Variants in CPSF7 observed in about 807,000 individuals in gnomAD.
The protein encoded by CPSF7 is cleavage and polyadenylation specific factor 7, also known as cleavage and polyadenylation specificity factor subunit 7.
Under a neutral mutation model 44.3 loss-of-function variants are expected in CPSF7, and 1 was observed. That is an observed-to-expected ratio of 0.02 (90% confidence interval 0.01 to 0.11). The LOEUF is 0.11. Ranked by LOEUF, CPSF7 falls within the 10% of genes least tolerant of loss-of-function variation. CPSF7 has a pLI of 1.00. For synonymous variants in CPSF7, 202 were observed against 222.0 expected, an observed-to-expected ratio of 0.91 and a Z score of 0.80; for missense variants, 443 against 607.2, an observed-to-expected ratio of 0.73 and a Z score of 2.84.
At chr11:61,407,370 C>A (rs1359896939) in intron 9 of CPSF7, among the ~76,000 whole-genome samples, 3 of 152,200 alleles carry the variant, frequency 2.0e-5, no homozygotes, top group Non-Finnish European at 4.4e-5. Context: ...TTTCAACCCA[C>A]AAGTAACACT....
rs780347539 is a variant in CPSF7 at position 61,429,297 on chromosome 11, GA to G, written c.-55-8del. ...CAAAGTAAGGAAGATGCCACTGCGG[GA>G]TTCGGAAAAATGCAAGAATTAGAAG... On this transcript the variant is annotated splice_polypyrimidine_tract_variant and splice_region_variant and intron_variant, in intron 1 of 9. Coordinates refer to ENST00000439958, the MANE Select transcript of CPSF7 (RefSeq NM_001142565.3). The G allele has an allele frequency of 5.7e-6, 9 of 1,577,068 alleles. No homozygotes were observed. Among genetic ancestry groups the G allele is most frequent in the Non-Finnish European group, 7.8e-6 (9 of 1,146,532 alleles).
At chr11:61,412,952 T>C (rs1859986756) in intron 7 of CPSF7, among the ~76,000 whole-genome samples, 1 of 152,256 alleles carries the variant, frequency 6.6e-6, no homozygotes, top group South Asian at 2.1e-4. Context: ...ATGGTCCTTG[T>C]ATAGAGGACT....
At chr11:61,411,213 C>A in intron 8 of CPSF7, 108 bp from the exon 9 acceptor site, 1 of 1,111,078 alleles carries the variant, frequency 9.0e-7, no homozygotes, top group Non-Finnish European at 1.3e-6. Context: ...CTCTATTACT[C>A]TATCATGGGC....
rs183430254 is a variant in CPSF7 at position 61,411,537 on chromosome 11, G to C, written c.1226+232C>G. ...AAAACCCATGTTCTTAAAAATATCT[G>C]TCTGTATTTTTTCCTACATGAGCCC... is the stretch of plus-strand genomic sequence containing the variant. On this transcript the variant is annotated intron_variant, in intron 8 of 9. Transcript: ENST00000439958. Among the ~76,000 whole-genome samples the C allele has an allele frequency of 1.6e-4, 25 of 152,232 alleles. 1 individual carries two copies. The highest frequency in any genetic ancestry group is 1.4e-3 in the Admixed American group (21 of 15,286).
intron 3 of CPSF7, chr11:61,421,110 C>T: frequency 7.2e-7 from 1 of 1,393,930 alleles, no homozygotes. Flanking sequence ...ACTCTGAAAT[C>T]TCGTCCCTCA....
chr11:61,420,447 G>A (rs765539132), intron 4 of CPSF7, 23 bp downstream of exon 4: 2 of 1,569,446 alleles, frequency 1.3e-6, no homozygotes, highest in Non-Finnish European at 1.8e-6. Context: ...AATTAAAAGG[G>A]GCTTCTCAAA....
Position 61,421,469 on chromosome 11 carries a change from T to C in CPSF7, c.194A>G (p.Asn65Ser). Residue 65 changes from asparagine to serine, a missense_variant, in exon 3 of 10, where the codon AAC (asparagine) becomes AGC (serine). By Grantham distance (46) the Asn-to-Ser change is conservative (BLOSUM62 1). Transcript: ENST00000439958. ...GGTATACAGAATTGCAGGGGTCTTGTTGTTGGGCTTGGGAGATGGCTCCTG... is the reference window on the plus strand; with the variant it reads ...GGTATACAGAATTGCAGGGGTCTTGCTGTTGGGCTTGGGAGATGGCTCCTG... ...VRQEPSPKPN[N>S]KTPAILYTYS... 6.2e-7 allele frequency: 1 copy of C among 1,614,134 alleles called. No individual in the cohort carries two copies. Among genetic ancestry groups the C allele is most frequent in the East Asian group, 2.2e-5 (1 of 44,878 alleles).
At chr11:61,414,142 AG>A (rs557440054) in intron 7 of CPSF7, among the ~76,000 whole-genome samples, 269 of 135,268 alleles carry the variant, frequency 2.0e-3, no homozygotes, top group Non-Finnish European at 3.2e-3. Flanking sequence ...TAATTTAAAA[AG>A]ACTAATTTTT....
At chr11:61,413,540 A>G (rs1449797915) in intron 7 of CPSF7, among the ~76,000 whole-genome samples, 8 of 151,760 alleles carry the variant, frequency 5.3e-5, no homozygotes, top group Non-Finnish European at 1.2e-4. Context: ...CTGAGGCAGG[A>G]GAATTGCTTA....
rs567586643 is a variant in CPSF7, at chr11:61,421,106, A to C, written c.273+284T>G. Reference sequence around the variant, plus strand: ...CCAAGAGTTCAAGGTGTTCACTCTGAAATCTCGTCCCTCAGATGACCCTGC... The same window carrying C: ...CCAAGAGTTCAAGGTGTTCACTCTGCAATCTCGTCCCTCAGATGACCCTGC... On this transcript the variant is annotated intron_variant, in intron 3 of 9. Coordinates refer to ENST00000439958, the MANE Select transcript of CPSF7 (RefSeq NM_001142565.3). The C allele has an allele frequency of 7.2e-6, 10 of 1,389,914 alleles. 1 individual carries two copies. The Middle Eastern group carries it at 5.7e-4, about 79-fold the overall frequency. The allele number at this position is 1,389,914 out of a possible 1,614,324, so 86.1% of individuals were successfully genotyped here. A position where few individuals can be genotyped will look rare whatever the true frequency, so the allele number is the denominator to read the frequency against.
intron 3 of CPSF7, 161 bp downstream of exon 3, chr11:61,421,229 G>A (rs1340031316): frequency 1.9e-6 from 2 of 1,033,070 alleles, no homozygotes; most frequent in Non-Finnish European, 2.9e-6. Flanking sequence ...ACGTCCTCAG[G>A]ATAGTTCTCT....
intron 2 of CPSF7, among the ~76,000 whole-genome samples, chr11:61,424,817 T>C (rs1206977629): frequency 1.3e-5 from 2 of 152,252 alleles, no homozygotes; most frequent in African/African-American, 2.4e-5. Context: ...CACATCATCT[T>C]GGATAATCGA....
chr11:61,402,873 G>A lies in CPSF7; in HGVS notation c.*1837C>T, dbSNP rs1390251961. 6.6e-6 allele frequency: 1 copy of A among 152,310 alleles called. No individual in the cohort carries two copies. The highest frequency in any genetic ancestry group is 6.6e-5 in the Admixed American group (1 of 15,234). The allele number at this position is 152,310 out of a possible 1,614,324, so 9.4% of individuals were successfully genotyped here. ...GCTATCAGGAAATAAAACTAAAAAT[G>A]GTGTCATTGAGTAAAAACAAAACAA... is the stretch of plus-strand genomic sequence containing the variant. On this transcript the variant is annotated 3_prime_UTR_variant, in exon 10 of 10. Coordinates refer to ENST00000439958, the MANE Select transcript of CPSF7 (RefSeq NM_001142565.3).
intron 5 of CPSF7, among the ~76,000 whole-genome samples, chr11:61,418,053 A>C (rs1860504933): frequency 6.6e-6 from 1 of 152,242 alleles, no homozygotes; most frequent in Non-Finnish European, 1.5e-5. Context: ...AAAGACTCCA[A>C]AACAGAGGGG....
At chr11:61,407,757 G>T (rs1451679419) in intron 9 of CPSF7, among the ~76,000 whole-genome samples, 2 of 152,168 alleles carry the variant, frequency 1.3e-5, no homozygotes, top group Non-Finnish European at 2.9e-5. Flanking sequence ...AACAATTCCT[G>T]GCTATAAATC....
intron 2 of CPSF7, among the ~76,000 whole-genome samples, chr11:61,428,578 T>G (rs1459636387): frequency 2.6e-5 from 4 of 152,184 alleles, no homozygotes; most frequent in African/African-American, 7.2e-5. Context: ...TTCTAACTGG[T>G]TTGTCTAACG....
rs1039821614 is a variant in CPSF7 at position 61,429,619 on chromosome 11, T to C, written c.-56+295A>G. 9 of 948,312 alleles carry C rather than the reference T, an allele frequency of 9.5e-6. No homozygotes were observed. The African/African-American group carries it at 1.0e-4, about 11-fold the overall frequency. The allele number at this position is 948,312 out of a possible 1,614,324, so 58.7% of individuals were successfully genotyped here. A position where few individuals can be genotyped will look rare whatever the true frequency, so the allele number is the denominator to read the frequency against. ...TGACCGCGGCGAAGCCCGCAGCCCC[T>C]ATCCGCTGCACCTGCCTAGCCCCCA... On this transcript the variant is annotated intron_variant, in intron 1 of 9. Coordinates refer to ENST00000439958, the MANE Select transcript of CPSF7 (RefSeq NM_001142565.3).
chr11:61,429,595 G>A lies in CPSF7; in HGVS notation c.-55-305C>T, dbSNP rs938217255. ...GCCCTAGGACGGCGTTGCGAAGAAT[G>A]ACCGCGGCGAAGCCCGCAGCCCCTA... On this transcript the variant is annotated intron_variant, in intron 1 of 9. Coordinates refer to ENST00000439958, the MANE Select transcript of CPSF7 (RefSeq NM_001142565.3). 1.3e-5 allele frequency: 10 copies of A among 760,266 alleles called. No homozygotes were observed. The African/African-American group carries it at 1.8e-4, about 14-fold the overall frequency. The allele number at this position is 760,266 out of a possible 1,614,324, so 47.1% of individuals were successfully genotyped here.
rs118032402 is a variant in CPSF7 at position 61,414,109 on chromosome 11, A to T, written c.1057+1557T>A. 6.0e-3 allele frequency among the ~76,000 whole-genome samples: 899 copies of T among 150,622 alleles called. 5 individuals are homozygous for T. Among genetic ancestry groups the T allele is most frequent in the Non-Finnish European group, 9.8e-3 (660 of 67,600 alleles). On this transcript the variant is annotated intron_variant, in intron 7 of 9. Coordinates refer to ENST00000439958, the MANE Select transcript of CPSF7 (RefSeq NM_001142565.3). ...CTGTTCTGTGTATTTAACCCATATA[A>T]CCCATGGGTATATATTACTTTTTAA...
Sources: gnomAD v4.1 joint callset for allele counts (sites outside exome capture counted in the v4.1 genomes callset) on GRCh38, gnomAD v4.1.1 for gene constraint, MANE v1.5 for transcripts, NCBI Gene and HGNC (gene_info 2026-07-23, HGNC 2026-07-21) for gene names.